ATF7IP2: variants seen among roughly 807,000 people sequenced by gnomAD.
The protein encoded by ATF7IP2 is activating transcription factor 7 interacting protein 2, also known as activating transcription factor 7-interacting protein 2.
A neutral mutation model predicts 64.2 loss-of-function variants in ATF7IP2; 42 were observed. The observed-to-expected ratio is 0.65, with a 90% CI of 0.51 to 0.85. The LOEUF (loss-of-function observed/expected upper bound fraction) is 0.85, where lower values mean the gene tolerates loss of function less well. Ranked by LOEUF, ATF7IP2 falls within the 40% of genes least tolerant of loss-of-function variation. The pLI, the probability that ATF7IP2 is intolerant of heterozygous loss-of-function variation, is 0.00. For synonymous variants in ATF7IP2, 308 were observed against 272.8 expected (o/e 1.13, Z -1.27); for missense variants, 933 against 784.2 (o/e 1.19, Z -2.27).
At chr16:10,418,915 G>A (rs1051313654) in intron 2 of ATF7IP2, among the ~76,000 whole-genome samples, 9 of 152,164 alleles carry the variant, frequency 5.9e-5, no homozygotes, top group African/African-American at 9.7e-5. Flanking sequence ...CCATCTGACC[G>A]TTTTGTTCAG....
At chr16:10,467,366 T>C (rs954226248) in intron 9 of ATF7IP2, among the ~76,000 whole-genome samples, 3 of 152,110 alleles carry the variant, frequency 2.0e-5, no homozygotes, top group Non-Finnish European at 2.9e-5. Flanking sequence ...AAAGAAAAAT[T>C]AAGTGAAGGA....
At chr16:10,443,252 T>C (rs1162178587) in intron 8 of ATF7IP2, among the ~76,000 whole-genome samples, 1 of 152,100 alleles carries the variant, frequency 6.6e-6, no homozygotes, top group Non-Finnish European at 1.5e-5. Context: ...AATGCCAAAT[T>C]TTCTCCCTGT....
At chr16:10,467,772 C>G (rs1248541166) in intron 9 of ATF7IP2, among the ~76,000 whole-genome samples, 1 of 151,762 alleles carries the variant, frequency 6.6e-6, no homozygotes, top group Non-Finnish European at 1.5e-5. Flanking sequence ...AGGCTGGTCT[C>G]AAACTCCTGA....
chr16:10,414,191 C>T (rs1389132367), intron 1 of ATF7IP2, among the ~76,000 whole-genome samples: 2 of 152,138 alleles, frequency 1.3e-5, no homozygotes, highest in African/African-American at 4.8e-5. Flanking sequence ...AAACTTTTCG[C>T]TTTCTCTTCT....
chr16:10,444,400 T>G (rs1408547882), intron 8 of ATF7IP2, among the ~76,000 whole-genome samples: 2 of 152,018 alleles, frequency 1.3e-5, no homozygotes, highest in Non-Finnish European at 2.9e-5. Flanking sequence ...TCTCCCAGGT[T>G]GGTTCGAGTT....
intron 12 of ATF7IP2, among the ~76,000 whole-genome samples, chr16:10,478,785 A>G (rs971974200): frequency 3.9e-5 from 6 of 152,258 alleles, no homozygotes; most frequent in African/African-American, 1.4e-4. Flanking sequence ...CAGAATCTAC[A>G]ATGAACTCAA....
chr16:10,411,993 TTCATTTATCTTTTTTTG>T (rs2047771915), intron 1 of ATF7IP2, among the ~76,000 whole-genome samples: 1 of 148,188 alleles, frequency 6.7e-6, no homozygotes, highest in African/African-American at 2.5e-5. Context: ...AGCTTTTTGT[TTCATTTATCTTTTTTTG>T]TTTTTTTTTT....
intron 3 of ATF7IP2, among the ~76,000 whole-genome samples, chr16:10,426,450 A>G (rs753187418): frequency 6.6e-6 from 1 of 152,232 alleles, no homozygotes; most frequent in Non-Finnish European, 1.5e-5. Flanking sequence ...GACATTTTCC[A>G]GGTGAAATAC....
intron 3 of ATF7IP2, among the ~76,000 whole-genome samples, chr16:10,428,213 T>G (rs1655819227): frequency 6.6e-6 from 1 of 152,236 alleles, no homozygotes; most frequent in Admixed American, 6.5e-5. Flanking sequence ...CTGATAGTAT[T>G]CTACTTATTT....
At chr16:10,413,826 A>T (rs533910618) in intron 1 of ATF7IP2, among the ~76,000 whole-genome samples, 21 of 152,296 alleles carry the variant, frequency 1.4e-4, no homozygotes, top group African/African-American at 4.8e-4. Context: ...CTCTTAGCTG[A>T]TAATTGTTTT....
rs12596111 is a variant in ATF7IP2 at position 10,480,972 on chromosome 16, A to T, written c.1635+8A>T. On this transcript the variant is annotated splice_region_variant and intron_variant, in intron 13 of 13. Coordinates refer to ENST00000562102, the MANE Select transcript of ATF7IP2 (RefSeq NM_001393719.1). ...GCACAAAATGCAGTCCAGGTACTGA[A>T]TCAAAGTGCTCTGTAAGGGATATTT... The T allele has an allele frequency of 0.53, 829,718 of 1,579,090 alleles. 221,185 individuals are homozygous for T. Among genetic ancestry groups the T allele is most frequent in the Admixed American group, 0.55 (32,790 of 59,876 alleles).
rs542623480 is a variant in ATF7IP2, at chr16:10,472,142, A to G, written c.1385A>G (p.Glu462Gly). The G allele has an allele frequency of 1.9e-6, 3 of 1,574,730 alleles. No homozygotes were observed. Among genetic ancestry groups the G allele is most frequent in the South Asian group, 1.2e-5 (1 of 86,800 alleles). ...GATGATGTTATGTTGATTTCTGTGGAAAGTCCTAATTTGACAACTCCAATT... is the reference window on the plus strand; with the variant it reads ...GATGATGTTATGTTGATTTCTGTGGGAAGTCCTAATTTGACAACTCCAATT... ...NNDDVMLISV[E>G]SPNLTTPITS... The change falls in exon 10 of 14, where the codon GAA (glutamate) becomes GGA (glycine). Residue 462 changes from glutamate to glycine, a missense_variant. Glu to Gly is a moderately conservative substitution (Grantham distance 98). Coordinates refer to ENST00000562102, the MANE Select transcript of ATF7IP2 (RefSeq NM_001393719.1).
chr16:10,460,184 G>A (rs972506437), intron 9 of ATF7IP2, among the ~76,000 whole-genome samples: 1 of 152,064 alleles, frequency 6.6e-6, no homozygotes, highest in Non-Finnish European at 1.5e-5. Context: ...CACCATTATA[G>A]AAGCCCCAAA....
At chr16:10,449,924 C>T (rs558415299) in intron 8 of ATF7IP2, among the ~76,000 whole-genome samples, 97 of 152,108 alleles carry the variant, frequency 6.4e-4, no homozygotes, top group Non-Finnish European at 9.1e-4. Flanking sequence ...GTTAGGGTGT[C>T]GATTTTAGAT....
At chr16:10,433,419 C>A (rs1241361559) in intron 5 of ATF7IP2, 106 bp from the exon 6 acceptor site, 2 of 1,034,580 alleles carry the variant, frequency 1.9e-6, no homozygotes, top group Non-Finnish European at 2.8e-6. Context: ...AAGCCACCCT[C>A]CCTCCTTAGC....
rs375940675 is a variant in ATF7IP2 at position 10,449,969 on chromosome 16, T to G, written c.1195-7403T>G. 2.6e-4 allele frequency among the ~76,000 whole-genome samples: 40 copies of G among 152,330 alleles called. 1 individual carries two copies. The East Asian group carries it at 3.1e-3, about 12-fold the overall frequency. ...TTGTGGGCATTTAGTGCTATAAATTTCCCTCTAAACACTGTTTTAAATGTG... is the reference window on the plus strand; with the variant it reads ...TTGTGGGCATTTAGTGCTATAAATTGCCCTCTAAACACTGTTTTAAATGTG... On this transcript the variant is annotated intron_variant, in intron 8 of 13. Coordinates refer to ENST00000562102, the MANE Select transcript of ATF7IP2 (RefSeq NM_001393719.1).
chr16:10,427,696 A>T (rs2048112436), intron 3 of ATF7IP2, among the ~76,000 whole-genome samples: 1 of 151,884 alleles, frequency 6.6e-6, no homozygotes. Context: ...TATCCACAGA[A>T]TTTTTTTTAC....
intron 8 of ATF7IP2, chr16:10,445,549 GGCTGGAGT>G (rs1202244281): frequency 6.6e-6 from 1 of 152,178 alleles, no homozygotes; most frequent in Non-Finnish European, 1.5e-5. Context: ...TTGTTGCCCA[GGCTGGAGT>G]GCAATGGTGT....
At chr16:10,393,171 A>G (rs1468395639) in intron 1 of ATF7IP2, among the ~76,000 whole-genome samples, 3 of 151,918 alleles carry the variant, frequency 2.0e-5, no homozygotes, top group Non-Finnish European at 4.4e-5. Flanking sequence ...TTAGCTGGGC[A>G]TGGTGGTGGG....
Sources: allele counts gnomAD v4.1 joint callset (sites outside exome capture counted in the v4.1 genomes callset), GRCh38; gene constraint gnomAD v4.1.1; transcripts MANE v1.5; gene names NCBI Gene and HGNC (gene_info 2026-07-23, HGNC 2026-07-21).